GFM1: variants seen among roughly 807,000 people sequenced by gnomAD.
GFM1 encodes the protein G elongation factor mitochondrial 1.
A neutral mutation model predicts 96.2 loss-of-function variants in GFM1; 62 were observed. The observed-to-expected ratio is 0.64, with a 90% CI of 0.53 to 0.80. The LOEUF (loss-of-function observed/expected upper bound fraction) is 0.80. Ranked by LOEUF, GFM1 falls within the 30% of genes least tolerant of loss-of-function variation. The pLI, the probability that GFM1 is intolerant of heterozygous loss-of-function variation, is 0.00. For missense variants in GFM1, 852 were observed against 916.6 expected, an observed-to-expected ratio of 0.93 and a Z score of 0.91; for synonymous variants, 282 against 312.9, an observed-to-expected ratio of 0.90 and a Z score of 1.04.
intron 13 of GFM1, among the ~76,000 whole-genome samples, chr3:158,677,901 A>G (rs1297830704): frequency 1.3e-5 from 2 of 152,220 alleles, no homozygotes; most frequent in South Asian, 2.1e-4. Context: ...CCTGGCTTCA[A>G]ATCTTCAAAA....
rs561293948 is a variant in GFM1, at chr3:158,666,362, G to A, written c.1577G>A (p.Arg526Gln). The change falls in exon 13 of 18, where the codon CGA becomes CAA. Residue 526 changes from arginine (R) to glutamine (Q), a missense_variant. Arg to Gln is a conservative substitution (Grantham distance 43). Transcript: ENST00000486715. ...CITGKPKVAFRETITAPVPFD... is the reference protein window; with the variant it reads ...CITGKPKVAFQETITAPVPFD... The stretch of plus-strand genomic sequence containing the variant: ...ACAGGAAAGCCAAAAGTTGCCTTTC[G>A]AGAGACCATTACTGCCCCTGTCCCG... The A allele has an allele frequency of 7.4e-6, 12 of 1,613,588 alleles. No individual in the cohort carries two copies. Among genetic ancestry groups the A allele is most frequent in the African/African-American group, 5.3e-5 (4 of 74,958 alleles).
At chr3:158,686,085 T>C (rs1329414978) in intron 15 of GFM1, among the ~76,000 whole-genome samples, 1 of 151,234 alleles carries the variant, frequency 6.6e-6, no homozygotes, top group Non-Finnish European at 1.5e-5. Flanking sequence ...TAAATACAGA[T>C]CTATGTGGCC....
At chr3:158,683,556 G>A (rs553007636) in intron 14 of GFM1, among the ~76,000 whole-genome samples, 6 of 152,312 alleles carry the variant, frequency 3.9e-5, no homozygotes, top group African/African-American at 1.4e-4. Context: ...CTGACGTTTT[G>A]TAACACTAGA....
chr3:158,655,836 G>A (rs1367537625), intron 8 of GFM1: 1 of 456,976 alleles, frequency 2.2e-6, no homozygotes, highest in African/African-American at 2.0e-5. Flanking sequence ...CGTCTCACTA[G>A]ACAGAAGGAC....
intron 2 of GFM1, 67 bp from the exon 3 acceptor site, chr3:158,646,098 G>GTTCCA: frequency 6.3e-7 from 1 of 1,599,768 alleles, no homozygotes; most frequent in Non-Finnish European, 8.6e-7. Context: ...TTCCATTTCA[G>GTTCCA]TTAAGATTTC....
At chr3:158,659,701 A>C (rs1369079736) in intron 9 of GFM1, among the ~76,000 whole-genome samples, 1 of 152,140 alleles carries the variant, frequency 6.6e-6, no homozygotes, top group Non-Finnish European at 1.5e-5. Flanking sequence ...TGAGTGCCTG[A>C]ATTTGTCCCC....
intron 13 of GFM1, chr3:158,669,729 A>G: frequency 2.1e-6 from 2 of 956,504 alleles, no homozygotes; most frequent in East Asian, 5.3e-5. Context: ...CTAGACTTCA[A>G]AGTGCTTGTT....
chr3:158,669,430 T>C, intron 13 of GFM1: 1 of 1,604,304 alleles, frequency 6.2e-7, no homozygotes, highest in Non-Finnish European at 8.5e-7. Context: ...CATATTTATA[T>C]ACCTGGAATA....
chr3:158,668,015 C>T (rs1723881973), intron 13 of GFM1, among the ~76,000 whole-genome samples: 1 of 152,088 alleles, frequency 6.6e-6, no homozygotes, highest in African/African-American at 2.4e-5. Context: ...TGGATTATAA[C>T]TCAAGACTTC....
chr3:158,672,258 G>A, intron 13 of GFM1: 1 of 1,506,288 alleles, frequency 6.6e-7, no homozygotes, highest in Non-Finnish European at 9.1e-7. Flanking sequence ...GGGGTGGCAC[G>A]GAGTGTCTGC....
In GFM1 at chr3:158,645,648, G is replaced by C; in HGVS notation, c.101G>C (p.Arg34Pro). 4 of 1,613,046 alleles carry C rather than the reference G, an allele frequency of 2.5e-6. No homozygotes were observed. The highest frequency in any genetic ancestry group is 3.4e-6 in the Non-Finnish European group (4 of 1,179,036). ...TTTCAGGTTAATTGGAAGGCCTGCC[G>C]ATGGTCTTCATCAGGGGTGATTCCT... ...QRKQVNWKAC[R>P]WSSSGVIPNE... is the part of the protein sequence containing the mutation. Residue 34 changes from arginine to proline, a missense_variant, in exon 2 of 18, where the codon CGA becomes CCA. Transcript: ENST00000486715.
At chr3:158,674,130 C>G (rs28481597) in intron 13 of GFM1, among the ~76,000 whole-genome samples, 84,876 of 146,734 alleles carry the variant, frequency 0.58, 25,290 homozygotes, top group African/African-American at 0.73. Flanking sequence ...GCCTAGGCTG[C>G]AGTGCAGTGG....
chr3:158,646,282 A>T lies in GFM1; in HGVS notation c.352A>T (p.Ile118Phe). 6.2e-7 allele frequency: 1 copy of T among 1,614,152 alleles called. No individual in the cohort carries two copies. The highest frequency in any genetic ancestry group is 8.5e-7 in the Non-Finnish European group (1 of 1,179,982). Residue 118 changes from isoleucine to phenylalanine, a missense_variant, in exon 3 of 18, where the codon ATT becomes TTT. By Grantham distance (21) the Ile-to-Phe change is conservative. Transcript: ENST00000486715. Reference protein sequence around the residue: ...YTMWKDVNINIIDTPGHVDFT... With the variant: ...YTMWKDVNINFIDTPGHVDFT... ...CATGTGGAAAGATGTCAATATTAAC[A>T]TTATAGATACTCCTGGTGAGTTGGA... is the stretch of plus-strand genomic sequence containing the variant.
intron 15 of GFM1, among the ~76,000 whole-genome samples, chr3:158,689,863 G>T (rs1726162964): frequency 6.6e-6 from 1 of 152,036 alleles, no homozygotes; most frequent in South Asian, 2.1e-4. Flanking sequence ...AATTTAGATG[G>T]TAAAGGACTT....
At chr3:158,663,431 A>G (rs1723351013) in intron 11 of GFM1, among the ~76,000 whole-genome samples, 1 of 152,222 alleles carries the variant, frequency 6.6e-6, no homozygotes, top group South Asian at 2.1e-4. Context: ...ATTACAAAAC[A>G]TACTCTGATG....
Position 158,694,258 on chromosome 3 carries a change from G to C in GFM1, c.*2791G>C, listed in dbSNP as rs1004028205. On this transcript the variant is annotated 3_prime_UTR_variant, in exon 18 of 18. Transcript: ENST00000486715. ...GGAATACTATGCAGCCATAAAAAAAGAATGAGATCAAGTCCTTTGCAGGGA... is the reference window on the plus strand; with the variant it reads ...GGAATACTATGCAGCCATAAAAAAACAATGAGATCAAGTCCTTTGCAGGGA... Among the ~76,000 whole-genome samples, 3 of 151,728 alleles carry C rather than the reference G, an allele frequency of 2.0e-5. No individual in the cohort carries two copies. The highest frequency in any genetic ancestry group is 7.3e-5 in the African/African-American group (3 of 41,332).
At position 158,690,161 on chromosome 3, in the gene GFM1, A is replaced by T. The variant is rs867885977; in HGVS notation, c.1910-2A>T. On this transcript the variant is annotated splice_acceptor_variant, in intron 15 of 17. Transcript: ENST00000486715. LOFTEE classifies it high-confidence loss of function. ...ATGAACTTTTTTTTTTTTTTAACCC[A>T]GCCTTGGCAAATGCAACATTATGTA... 3 of 1,610,710 alleles carry T rather than the reference A, an allele frequency of 1.9e-6. No homozygotes were observed. The highest frequency in any genetic ancestry group is 2.7e-5 in the African/African-American group (2 of 74,458).
chr3:158,658,534 T>A (rs543076386), intron 8 of GFM1, among the ~76,000 whole-genome samples: 22 of 152,242 alleles, frequency 1.4e-4, no homozygotes, highest in South Asian at 4.1e-4. Context: ...AGCACACACC[T>A]ACTGTTTCTA....
At chr3:158,664,509 C>G (rs1272332859) in intron 11 of GFM1, among the ~76,000 whole-genome samples, 1 of 152,180 alleles carries the variant, frequency 6.6e-6, no homozygotes, top group African/African-American at 2.4e-5. Context: ...CCTTCCTTGG[C>G]TTGTGGCCCC....
Sources: gnomAD v4.1 joint callset for allele counts (sites outside exome capture counted in the v4.1 genomes callset) on GRCh38, gnomAD v4.1.1 for gene constraint, MANE v1.5 for transcripts, NCBI Gene and HGNC (gene_info 2026-07-23, HGNC 2026-07-21) for gene names.